GPALPP1: variants seen among roughly 807,000 people sequenced by gnomAD.
GPALPP1 encodes GPALPP motifs-containing protein 1.
GPALPP1 carries 30 observed loss-of-function variants against 38.9 expected under a neutral mutation model. The ratio of observed to expected loss-of-function variants is 0.77; its 90% confidence interval spans 0.58 to 1.05. The LOEUF (loss-of-function observed/expected upper bound fraction) is 1.05. Among genes scored for constraint, GPALPP1 ranks in the 50% least tolerant of loss-of-function variants. GPALPP1 has a pLI of 0.00. For missense variants in GPALPP1, 384 were observed against 408.8 expected (o/e 0.94, Z 0.52); for synonymous variants, 120 against 139.2 (o/e 0.86, Z 0.97).
At chr13:45,015,673 T>C in intron 6 of GPALPP1, 77 bp downstream of exon 6, 3 of 977,948 alleles carry the variant, frequency 3.1e-6, no homozygotes, top group Non-Finnish European at 4.3e-6. Context: ...TGCAAAATTA[T>C]TTAAGGGTAC....
exon 8 of GPALPP1, chr13:45,037,468 T>C (rs1269807924): frequency 6.6e-6 from 1 of 152,238 alleles, no homozygotes; most frequent in Non-Finnish European, 1.5e-5. Flanking sequence ...GGTACAGACA[T>C]AATTAACTTA....
chr13:44,999,584 C>A (rs1464430273), intron 1 of GPALPP1, among the ~76,000 whole-genome samples: 2 of 152,024 alleles, frequency 1.3e-5, no homozygotes, highest in Admixed American at 6.6e-5. Context: ...TTTTAATATT[C>A]TTCTCTTTTT....
At chr13:45,015,350 A>T (rs997191362) in intron 5 of GPALPP1, 82 bp from the exon 6 acceptor site, 21 of 806,272 alleles carry the variant, frequency 2.6e-5, no homozygotes, top group Middle Eastern at 5.1e-4. Flanking sequence ...CAATTGCATG[A>T]CACAGTTGCT....
chr13:45,035,303 T>G (rs1156230520), downstream of GPALPP1: 1 of 152,262 alleles, frequency 6.6e-6, no homozygotes, highest in East Asian at 1.9e-4. Flanking sequence ...GACATTGGAG[T>G]TGGCCAGATG....
At chr13:45,036,488 A>G (rs913478238) in exon 8 of GPALPP1, 2 of 152,060 alleles carry the variant, frequency 1.3e-5, no homozygotes, top group African/African-American at 4.8e-5. Context: ...CCTTATGACT[A>G]TTTTCCTTGG....
At chr13:44,997,019 C>T (rs1873342367) in intron 1 of GPALPP1, among the ~76,000 whole-genome samples, 1 of 151,844 alleles carries the variant, frequency 6.6e-6, no homozygotes, top group Admixed American at 6.6e-5. Context: ...CTGACAAGCA[C>T]CATTCTACTT....
At chr13:44,996,674 G>T (rs1873303191) in intron 1 of GPALPP1, among the ~76,000 whole-genome samples, 1 of 151,650 alleles carries the variant, frequency 6.6e-6, no homozygotes, top group Non-Finnish European at 1.5e-5. Context: ...GTAGAGATGG[G>T]GTTTCACCAT....
chr13:45,027,746 A>G, intron 7 of GPALPP1, 39 bp from the exon 8 acceptor site: 1 of 954,406 alleles, frequency 1.0e-6, no homozygotes, highest in Non-Finnish European at 1.7e-6. Context: ...ATCTATATAC[A>G]AACTATAGTT....
chr13:45,030,111 GC>G lies in GPALPP1; in HGVS notation c.*2110del, dbSNP rs1876121116. The stretch of plus-strand genomic sequence containing the variant: ...ACGGGGGTCATATCAGTCATGAATA[GC>G]CTTTTTTAAAAATTTAATAATCCCT... On this transcript the variant is annotated 3_prime_UTR_variant, in exon 8 of 8. Transcript: ENST00000379151. 6.6e-6 allele frequency: 1 copy of G among 151,952 alleles called. No homozygotes were observed. Among genetic ancestry groups the G allele is most frequent in the Non-Finnish European group, 1.5e-5 (1 of 67,996 alleles). 9.4% of individuals were successfully genotyped at this position (151,952 alleles called of 1,614,324 possible). A position where few individuals can be genotyped will look rare whatever the true frequency, so the allele number is the denominator to read the frequency against.
intron 6 of GPALPP1, among the ~76,000 whole-genome samples, chr13:45,017,160 T>G (rs74071424): frequency 0.057 from 8,726 of 152,308 alleles, 392 homozygotes; most frequent in East Asian, 0.12. Context: ...GTATTTGGTT[T>G]CAGGTGATAG....
intron 4 of GPALPP1, 100 bp from the exon 5 acceptor site, chr13:45,014,852 T>G (rs147691789): frequency 5.1e-6 from 5 of 974,682 alleles, no homozygotes; most frequent in African/African-American, 1.7e-5. Context: ...TTTTTATTTT[T>G]TATGGATAAT....
chr13:45,013,940 G>A lies in GPALPP1; in HGVS notation c.409-1012G>A, dbSNP rs575494262. 3.3e-5 allele frequency among the ~76,000 whole-genome samples: 5 copies of A among 152,176 alleles called. No individual in the cohort carries two copies. In the East Asian group the frequency reaches 9.6e-4, roughly 29 times the overall value. ...TTTAATACCCATAGATAGGAATTGG[G>A]CATATTCTGTTTCTGATTTTCAGTT... On this transcript the variant is annotated intron_variant, in intron 4 of 7. Transcript: ENST00000379151.
At chr13:44,992,041 G>A (rs1465902624) in intron 1 of GPALPP1, among the ~76,000 whole-genome samples, 2 of 152,160 alleles carry the variant, frequency 1.3e-5, no homozygotes, top group African/African-American at 4.8e-5. Context: ...CCATTTGGAG[G>A]CTGTTATAAA....
intron 1 of GPALPP1, among the ~76,000 whole-genome samples, chr13:45,000,466 C>G (rs565486952): frequency 6.6e-6 from 1 of 152,026 alleles, no homozygotes; most frequent in Non-Finnish European, 1.5e-5. Context: ...TATGTGTGTA[C>G]GTTATAATAC....
downstream of GPALPP1, chr13:45,031,453 T>A (rs1055180608): frequency 6.6e-6 from 1 of 152,236 alleles, no homozygotes; most frequent in African/African-American, 2.4e-5. Context: ...TATCTTTGGA[T>A]ACTTACTTTT....
chr13:45,034,743 T>C (rs1036608228), downstream of GPALPP1: 1 of 115,050 alleles, frequency 8.7e-6, no homozygotes, highest in African/African-American at 3.3e-5. Flanking sequence ...TTTTTTTTTA[T>C]TTTTTTTTTT....
intron 1 of GPALPP1, 46 bp downstream of exon 1, chr13:44,989,788 C>G (rs770657126): frequency 4.2e-6 from 6 of 1,427,044 alleles, no homozygotes; most frequent in South Asian, 3.5e-5. Flanking sequence ...TCTACCCACT[C>G]CCTGGCCGGG....
At chr13:44,999,894 T>C (rs1216795999) in intron 1 of GPALPP1, among the ~76,000 whole-genome samples, 2 of 152,172 alleles carry the variant, frequency 1.3e-5, no homozygotes, top group Non-Finnish European at 2.9e-5. Flanking sequence ...TTCTTTTTTA[T>C]ATCGCCATCT....
At chr13:45,000,168 G>A (rs1356064343) in intron 1 of GPALPP1, among the ~76,000 whole-genome samples, 1 of 152,250 alleles carries the variant, frequency 6.6e-6, no homozygotes, top group South Asian at 2.1e-4. Context: ...TGTAATCCCA[G>A]TGCTTTGGGA....
Sources: gnomAD v4.1 joint callset for allele counts (sites outside exome capture counted in the v4.1 genomes callset) on GRCh38, gnomAD v4.1.1 for gene constraint, MANE v1.5 for transcripts, NCBI Gene and HGNC (gene_info 2026-07-23, HGNC 2026-07-21) for gene names.